The following TAX1BP1 variants were observed in gnomAD, a reference collection of about 807,000 sequenced individuals.
TAX1BP1 encodes Tax1 binding protein 1, also known as tax1-binding protein 1.
In TAX1BP1, 62 loss-of-function variants were observed where a neutral mutation model predicts 97.7. The observed-to-expected ratio is 0.63, with a 90% CI of 0.52 to 0.78. The LOEUF (loss-of-function observed/expected upper bound fraction) is 0.78. Ranked by LOEUF, TAX1BP1 falls within the 30% of genes least tolerant of loss-of-function variation. The pLI, the probability that TAX1BP1 is intolerant of heterozygous loss-of-function variation, is 0.00. For missense variants in TAX1BP1, 867 were observed against 916.1 expected, an observed-to-expected ratio of 0.95 and a Z score of 0.69; for synonymous variants, 340 against 304.2, an observed-to-expected ratio of 1.12 and a Z score of -1.23.
In TAX1BP1 at chr7:27,785,463, G is replaced by C; in HGVS notation, c.826G>C (p.Glu276Gln). The C allele has an allele frequency of 1.9e-6, 3 of 1,612,380 alleles. No homozygotes were observed. The highest frequency in any genetic ancestry group is 2.5e-6 in the Non-Finnish European group (3 of 1,179,550). Residue 276 changes from glutamate (E) to glutamine (Q), a missense_variant, in exon 7 of 17, where the codon GAG becomes CAG. By Grantham distance (29) the Glu-to-Gln change is conservative. Around this residue, in one of 3 missense-constraint regions of TAX1BP1, gnomAD observed 822 missense variants for 851.4 expected, o/e 0.97. Coordinates refer to ENST00000396319, the MANE Select transcript of TAX1BP1 (RefSeq NM_006024.7). Reference sequence around the variant, plus strand: ...ACAACTTGAATGTCAGTTGAAGACAGAGAAGGATGAAAAGGAACTTTATAA... The same window carrying C: ...ACAACTTGAATGTCAGTTGAAGACACAGAAGGATGAAAAGGAACTTTATAA... Reference protein sequence around the residue: ...REQLECQLKTEKDEKELYKVH... With the variant: ...REQLECQLKTQKDEKELYKVH...
At chr7:27,746,832 A>T (rs1368882368) in intron 1 of TAX1BP1, among the ~76,000 whole-genome samples, 1 of 152,294 alleles carries the variant, frequency 6.6e-6, no homozygotes, top group South Asian at 2.1e-4. Flanking sequence ...GATATCCATT[A>T]TATTCAGTAA....
intron 2 of TAX1BP1, among the ~76,000 whole-genome samples, chr7:27,751,366 G>T (rs1174210876): frequency 6.6e-6 from 1 of 151,988 alleles, no homozygotes; most frequent in Admixed American, 6.5e-5. Context: ...TAACATATTG[G>T]TATATAGCTA....
chr7:27,753,932 T>C (rs964901987), intron 2 of TAX1BP1, among the ~76,000 whole-genome samples: 4 of 152,072 alleles, frequency 2.6e-5, no homozygotes, highest in African/African-American at 9.7e-5. Flanking sequence ...GGTCCATGAG[T>C]TTTTGTTTTT....
chr7:27,824,019 A>G (rs1791077658), intron 15 of TAX1BP1, among the ~76,000 whole-genome samples: 2 of 152,206 alleles, frequency 1.3e-5, no homozygotes, highest in African/African-American at 2.4e-5. Context: ...GCATATATCA[A>G]TAGACATTTG....
chr7:27,782,752 T>C (rs911121714), intron 5 of TAX1BP1, among the ~76,000 whole-genome samples: 1 of 152,222 alleles, frequency 6.6e-6, no homozygotes, highest in African/African-American at 2.4e-5. Context: ...TAATTTGTTA[T>C]TTAAAGTGTT....
At chr7:27,814,038 C>T (rs1039104998) in intron 13 of TAX1BP1, among the ~76,000 whole-genome samples, 15 of 151,252 alleles carry the variant, frequency 9.9e-5, no homozygotes, top group African/African-American at 2.7e-4. Context: ...CCTCATGATC[C>T]GCCCGCCTCG....
At chr7:27,826,824 CAG>C (rs1791193625) in intron 15 of TAX1BP1, among the ~76,000 whole-genome samples, 1 of 152,178 alleles carries the variant, frequency 6.6e-6, no homozygotes, top group African/African-American at 2.4e-5. Context: ...TCCTCTATAG[CAG>C]AGTTTTGAGG....
chr7:27,751,443 A>G (rs1788017615), intron 2 of TAX1BP1, among the ~76,000 whole-genome samples: 1 of 152,208 alleles, frequency 6.6e-6, no homozygotes, highest in Admixed American at 6.5e-5. Flanking sequence ...ATACACACAT[A>G]CTACTGATGC....
intron 2 of TAX1BP1, among the ~76,000 whole-genome samples, chr7:27,750,859 A>G (rs971645510): frequency 1.6e-4 from 25 of 152,188 alleles, no homozygotes; most frequent in African/African-American, 6.0e-4. Context: ...CATGCCTTCC[A>G]TATTTTTTAC....
At position 27,769,685 on chromosome 7, in the gene TAX1BP1, G is replaced by C; in HGVS notation, c.463G>C (p.Glu155Gln). 6.2e-7 allele frequency: 1 copy of C among 1,603,466 alleles called. No homozygotes were observed. Among genetic ancestry groups the C allele is most frequent in the Non-Finnish European group, 8.5e-7 (1 of 1,176,496 alleles). The change falls in exon 5 of 17, where the codon GAG becomes CAG. Residue 155 changes from glutamate (E) to glutamine (Q), a missense_variant. Glu to Gln is a conservative substitution (Grantham distance 29). Around this residue, in one of 3 missense-constraint regions of TAX1BP1, gnomAD observed 822 missense variants for 851.4 expected, o/e 0.97. Transcript: ENST00000396319. ...TKAGLLELKIEKTMKEKEELL... is the reference protein window; with the variant it reads ...TKAGLLELKIQKTMKEKEELL... ...GTTTTTTGCTTTATAGTTGAAAATT[G>C]AGAAAACCATGAAAGAAAAAGAAGA...
Position 27,798,871 on chromosome 7 carries a change from T to C in TAX1BP1, c.1639-1094T>C, listed in dbSNP as rs1790032471. 4.0e-5 allele frequency among the ~76,000 whole-genome samples: 6 copies of C among 151,608 alleles called. No individual in the cohort carries two copies. In the South Asian group the frequency reaches 8.3e-4, roughly 21 times the overall value. On this transcript the variant is annotated intron_variant, in intron 12 of 16. Transcript: ENST00000396319. ...TCGAATCTTTTTGGTAGTTTAAATA[T>C]AGGGTTGTTCATCTTGAGTTGTGTT...
intron 11 of TAX1BP1, among the ~76,000 whole-genome samples, chr7:27,794,785 T>C (rs975708032): frequency 6.6e-6 from 1 of 152,214 alleles, no homozygotes; most frequent in Non-Finnish European, 1.5e-5. Flanking sequence ...CCATTAAATC[T>C]ATGGAATTTT....
chr7:27,767,142 A>G (rs1688918335), intron 4 of TAX1BP1, among the ~76,000 whole-genome samples: 1 of 152,106 alleles, frequency 6.6e-6, no homozygotes, highest in Non-Finnish European at 1.5e-5. Context: ...TATACCTAAA[A>G]AACTACAGTG....
At chr7:27,746,578 A>G (rs965961243) in intron 1 of TAX1BP1, among the ~76,000 whole-genome samples, 5 of 152,126 alleles carry the variant, frequency 3.3e-5, no homozygotes, top group Admixed American at 1.3e-4. Context: ...GTGTTTGTAA[A>G]TGCTACCTGT....
intron 3 of TAX1BP1, among the ~76,000 whole-genome samples, chr7:27,760,347 A>G (rs1562703365): frequency 6.6e-6 from 1 of 152,058 alleles, no homozygotes; most frequent in South Asian, 2.1e-4. Context: ...AGGAACCAAA[A>G]AACAGTTTGA....
intron 15 of TAX1BP1, 40 bp downstream of exon 15, chr7:27,817,078 AT>A: frequency 6.3e-7 from 1 of 1,584,332 alleles, no homozygotes. Context: ...TCCCTTTTTT[AT>A]TTTTTAGCTT....
At chr7:27,754,858 C>T (rs1788152032) in intron 2 of TAX1BP1, among the ~76,000 whole-genome samples, 1 of 152,172 alleles carries the variant, frequency 6.6e-6, no homozygotes, top group African/African-American at 2.4e-5. Flanking sequence ...GCTGGGATTA[C>T]AGGCGTAAAC....
intron 1 of TAX1BP1, among the ~76,000 whole-genome samples, 161 bp from the exon 2 acceptor site, chr7:27,748,357 T>A (rs1283784758): frequency 1.3e-5 from 2 of 152,224 alleles, no homozygotes; most frequent in Non-Finnish European, 2.9e-5. Flanking sequence ...ATTTTTATAT[T>A]TAATCAATTT....
chr7:27,795,657 A>G (rs1789898418), intron 11 of TAX1BP1, among the ~76,000 whole-genome samples: 1 of 152,046 alleles, frequency 6.6e-6, no homozygotes, highest in Non-Finnish European at 1.5e-5. Context: ...GGTTCAAGCA[A>G]TTCTCCTGCC....
Sources: gnomAD v4.1 joint callset for allele counts (sites outside exome capture counted in the v4.1 genomes callset) on GRCh38, gnomAD v4.1.1 for gene constraint, gnomAD v4.1.1 regional missense constraint, MANE v1.5 for transcripts, NCBI Gene and HGNC (gene_info 2026-07-23, HGNC 2026-07-21) for gene names.